SCAPER: variants seen among roughly 807,000 people sequenced by gnomAD.
SCAPER encodes S phase cyclin A-associated protein in the endoplasmic reticulum.
In SCAPER, 98 loss-of-function variants were observed where a neutral mutation model predicts 182.2. The observed-to-expected ratio is 0.54, with a 90% CI of 0.46 to 0.64. The LOEUF (loss-of-function observed/expected upper bound fraction) is 0.64, where lower values mean the gene tolerates loss of function less well. Among genes scored for constraint, SCAPER ranks in the 30% least tolerant of loss-of-function variants. The probability of loss-of-function intolerance (pLI) is 0.00; values close to 1 mark genes in which losing one functional copy is unlikely to be tolerated. For missense variants in SCAPER, 1,432 were observed against 1,690.0 expected (o/e 0.85, Z 2.68); for synonymous variants, 605 against 564.6 (o/e 1.07, Z -1.01).
intron 4 of SCAPER, among the ~76,000 whole-genome samples, chr15:76,842,452 A>C (rs1181498404): frequency 6.6e-6 from 1 of 152,206 alleles, no homozygotes; most frequent in Admixed American, 6.5e-5. Context: ...TTCGCTGGGC[A>C]GTTCTTCCTG....
chr15:76,488,714 C>CTTTTTTTTTTGTTTTTTTTT (rs2051925097), intron 24 of SCAPER, among the ~76,000 whole-genome samples: 1 of 93,144 alleles, frequency 1.1e-5, no homozygotes, highest in Non-Finnish European at 2.0e-5. Flanking sequence ...AGTACACTGC[C>CTTTTTTTTTTGTTTTTTTTT]TTTTTTTTTT....
chr15:76,658,355 T>C (rs912271609), intron 21 of SCAPER, among the ~76,000 whole-genome samples: 3 of 152,038 alleles, frequency 2.0e-5, no homozygotes, highest in Non-Finnish European at 4.4e-5. Context: ...CAGCTAACCA[T>C]GGAGTTGAAA....
chr15:76,604,905 A>C (rs1032434337), intron 22 of SCAPER, among the ~76,000 whole-genome samples: 3 of 151,962 alleles, frequency 2.0e-5, no homozygotes, highest in African/African-American at 7.2e-5. Context: ...GAAGTTGCTT[A>C]TCAGCTTAAG....
At chr15:76,727,821 G>T (rs1317780579) in intron 17 of SCAPER, among the ~76,000 whole-genome samples, 1 of 151,388 alleles carries the variant, frequency 6.6e-6, no homozygotes, top group Non-Finnish European at 1.5e-5. Flanking sequence ...CAAAGACTTA[G>T]TATCTAGTAA....
intron 8 of SCAPER, among the ~76,000 whole-genome samples, chr15:76,787,133 G>A (rs1300186095): frequency 6.6e-6 from 1 of 152,026 alleles, no homozygotes; most frequent in African/African-American, 2.4e-5. Flanking sequence ...ATGTAAATAA[G>A]TTCATTCCAA....
intron 1 of SCAPER, among the ~76,000 whole-genome samples, chr15:76,885,210 C>T (rs1350296050): frequency 6.6e-6 from 1 of 152,154 alleles, no homozygotes. Context: ...TGTACTACCT[C>T]TGCTCACAAA....
chr15:76,741,584 G>A (rs1262810501), intron 15 of SCAPER, among the ~76,000 whole-genome samples: 2 of 152,048 alleles, frequency 1.3e-5, no homozygotes, highest in African/African-American at 4.8e-5. Context: ...AAATGTAGCT[G>A]CCTACAGAGT....
At position 76,601,427 on chromosome 15, in the gene SCAPER, C is replaced by T. The variant is rs551449001; in HGVS notation, c.2711+20337G>A. On this transcript the variant is annotated intron_variant, in intron 22 of 31. Coordinates refer to ENST00000563290, the MANE Select transcript of SCAPER (RefSeq NM_020843.4). The stretch of plus-strand genomic sequence containing the variant: ...TCCTATGTTTAGTTATGTTTAAATA[C>T]ACAAATATTTATCATTTTGTTACAA... 7.4e-5 allele frequency among the ~76,000 whole-genome samples: 9 copies of T among 121,728 alleles called. 2 individuals carry two copies. The South Asian group carries it at 2.3e-3, about 31-fold the overall frequency. 79.9% of individuals were successfully genotyped at this position (121,728 alleles called of 152,430 possible).
At chr15:76,535,259 C>G (rs1015130740) in intron 23 of SCAPER, among the ~76,000 whole-genome samples, 36 of 151,838 alleles carry the variant, frequency 2.4e-4, no homozygotes, top group African/African-American at 8.0e-4. Context: ...CGTGGTGGCT[C>G]ACGCCTGTAA....
At chr15:76,486,338 T>C (rs930083420) in intron 24 of SCAPER, among the ~76,000 whole-genome samples, 26 of 152,070 alleles carry the variant, frequency 1.7e-4, no homozygotes, top group African/African-American at 6.3e-4. Context: ...CCAAAAGCAA[T>C]GGCAACAAAA....
At chr15:76,713,075 T>C (rs1423446416) in intron 17 of SCAPER, among the ~76,000 whole-genome samples, 5 of 152,074 alleles carry the variant, frequency 3.3e-5, no homozygotes, top group Non-Finnish European at 5.9e-5. Context: ...GGCTGTGGGT[T>C]TGTCATAGAT....
At position 76,428,435 on chromosome 15, in the gene SCAPER, T is replaced by A. The variant is rs375792877; in HGVS notation, c.3311+5643A>T. 1.1e-4 allele frequency among the ~76,000 whole-genome samples: 17 copies of A among 152,254 alleles called. No individual in the cohort carries two copies. In the East Asian group the frequency reaches 2.9e-3, roughly 26 times the overall value. The stretch of plus-strand genomic sequence containing the variant: ...TATTTAGCCATAAAAAAGAATGCAA[T>A]CTTTCTTTTTTACAACATGGATGGA... On this transcript the variant is annotated intron_variant, in intron 26 of 31. Transcript: ENST00000563290.
chr15:76,845,693 G>A (rs973917404), intron 4 of SCAPER, among the ~76,000 whole-genome samples: 2 of 151,844 alleles, frequency 1.3e-5, no homozygotes, highest in African/African-American at 4.8e-5. Flanking sequence ...AGAAATTGAA[G>A]AAGACACCAA....
intron 24 of SCAPER, among the ~76,000 whole-genome samples, chr15:76,493,089 C>A (rs1331679901): frequency 1.3e-5 from 2 of 152,058 alleles, no homozygotes; most frequent in African/African-American, 4.8e-5. Flanking sequence ...CAATAGCAAA[C>A]CAGCTCCAGA....
At chr15:76,673,971 AC>A (rs2057202897) in intron 20 of SCAPER, among the ~76,000 whole-genome samples, 1 of 151,698 alleles carries the variant, frequency 6.6e-6, no homozygotes, top group Non-Finnish European at 1.5e-5. Flanking sequence ...ACACACACAC[AC>A]ACACACACAC....
rs16968310 is a variant in SCAPER at position 76,499,674 on chromosome 15, G to T, written c.2954+5185C>A. Among the ~76,000 whole-genome samples the T allele has an allele frequency of 2.0e-5, 3 of 152,148 alleles. No individual in the cohort carries two copies. The East Asian group carries it at 5.8e-4, about 29-fold the overall frequency. ...GCAGCACATAATAAAGTGCTAAGCC[G>T]AACTATTCTCTAACCCATTTGATAT... On this transcript the variant is annotated intron_variant, in intron 24 of 31. Transcript: ENST00000563290.
intron 1 of SCAPER, among the ~76,000 whole-genome samples, chr15:76,899,398 G>A (rs759977928): frequency 1.4e-4 from 21 of 152,168 alleles, no homozygotes; most frequent in African/African-American, 3.9e-4. Flanking sequence ...TCCTGGCCTC[G>A]GATGAACTGC....
chr15:76,846,359 TA>T (rs555070038), intron 4 of SCAPER, among the ~76,000 whole-genome samples: 18 of 143,202 alleles, frequency 1.3e-4, no homozygotes, highest in South Asian at 2.3e-4. Flanking sequence ...CACATCAAGT[TA>T]AAAAAAAAAA....
chr15:76,433,952 T>C (rs1426399385), intron 26 of SCAPER, 126 bp downstream of exon 26: 5 of 723,722 alleles, frequency 6.9e-6, no homozygotes, highest in East Asian at 2.7e-5. Flanking sequence ...ATTCTTGGTA[T>C]TCTCTACCAG....
Sources: allele counts gnomAD v4.1 joint callset (sites outside exome capture counted in the v4.1 genomes callset), GRCh38; gene constraint gnomAD v4.1.1; transcripts MANE v1.5; gene names NCBI Gene and HGNC (gene_info 2026-07-23, HGNC 2026-07-21).